Variants in GPR158 observed in about 807,000 individuals in gnomAD.
GPR158 encodes the protein G protein-coupled receptor 158, also known as metabotropic glycine receptor.
GPR158 carries 30 observed loss-of-function variants against 78.2 expected under a neutral mutation model. That is an observed-to-expected ratio of 0.38 (90% confidence interval 0.29 to 0.52). GPR158 has a LOEUF of 0.52. Ranked by LOEUF, GPR158 falls within the 20% of genes least tolerant of loss-of-function variation. The pLI, the probability that GPR158 is intolerant of heterozygous loss-of-function variation, is 0.83. For synonymous variants in GPR158, 581 were observed against 591.1 expected (o/e 0.98, Z 0.25); for missense variants, 1,463 against 1,523.5 (o/e 0.96, Z 0.66).
rs1435545710 is a variant in GPR158, at chr10:25,599,050, A to T, written c.3424A>T (p.Lys1142Ter). The T allele has an allele frequency of 5.0e-6, 8 of 1,613,956 alleles. No homozygotes were observed. The highest frequency in any genetic ancestry group is 2.7e-5 in the African/African-American group (2 of 74,920). Reference protein sequence around the residue: ...ENLNQIGHQEKKTSSSEENVR... With the variant: ...ENLNQIGHQE ...TCTCAACCAAATAGGACACCAGGAAAAAAAGACATCTTCTTCTGAGGAGAA... is the reference window on the plus strand; with the variant it reads ...TCTCAACCAAATAGGACACCAGGAATAAAAGACATCTTCTTCTGAGGAGAA... The change falls in exon 11 of 11, where the codon AAA becomes TAA. Residue 1142 changes from lysine (K) to a stop codon, truncating the protein, a stop_gained. Coordinates refer to ENST00000376351, the MANE Select transcript of GPR158 (RefSeq NM_020752.3). LOFTEE classifies it low-confidence loss of function (END_TRUNC).
At chr10:25,443,789 G>A (rs775352049) in intron 4 of GPR158, among the ~76,000 whole-genome samples, 7 of 151,740 alleles carry the variant, frequency 4.6e-5, no homozygotes, top group Non-Finnish European at 8.8e-5. Flanking sequence ...ACCTGCTGGT[G>A]TACTTTTCTC....
At chr10:25,289,004 T>C (rs555189289) in intron 2 of GPR158, among the ~76,000 whole-genome samples, 1 of 152,204 alleles carries the variant, frequency 6.6e-6, no homozygotes, top group African/African-American at 2.4e-5. Flanking sequence ...CATAGTAGCA[T>C]GTAGAGGGAC....
At chr10:25,235,943 G>A (rs990510311) in intron 2 of GPR158, among the ~76,000 whole-genome samples, 5 of 151,870 alleles carry the variant, frequency 3.3e-5, no homozygotes, top group Admixed American at 6.6e-5. Context: ...TGATCTGCCC[G>A]CCTCAGCCCC....
chr10:25,356,388 C>A (rs976866379), intron 2 of GPR158, among the ~76,000 whole-genome samples: 4 of 151,628 alleles, frequency 2.6e-5, no homozygotes, highest in African/African-American at 9.7e-5. Context: ...GAAGTCCTCC[C>A]TTTGCGACTT....
intron 3 of GPR158, among the ~76,000 whole-genome samples, chr10:25,404,233 T>A (rs1365893045): frequency 6.6e-6 from 1 of 152,108 alleles, no homozygotes; most frequent in Non-Finnish European, 1.5e-5. Flanking sequence ...GTCTCTTGAC[T>A]TTTGGTTTTG....
Position 25,589,002 on chromosome 10 carries a change from C to A in GPR158, c.1754-5C>A. The A allele has an allele frequency of 6.5e-7, 1 of 1,538,834 alleles. No individual in the cohort carries two copies. On this transcript the variant is annotated splice_polypyrimidine_tract_variant and splice_region_variant and intron_variant, in intron 7 of 10. Transcript: ENST00000376351. The stretch of plus-strand genomic sequence containing the variant: ...ACTCATGAAAATGGTTTGTTATTTT[C>A]ACAGCTGAATTTTTATTCCTCTTGT...
rs184505817 is a variant in GPR158 at position 25,531,504 on chromosome 10, A to G, written c.1405-19472A>G. Among the ~76,000 whole-genome samples, 298 of 152,308 alleles carry G rather than the reference A, an allele frequency of 2.0e-3. 1 individual carries two copies. The highest frequency in any genetic ancestry group is 6.9e-3 in the African/African-American group (286 of 41,554). The stretch of plus-strand genomic sequence containing the variant: ...TATGGCAACCTATAGTTACACCTAG[A>G]TATTTATTTTCAGCCCTTTTTATTT... On this transcript the variant is annotated intron_variant, in intron 5 of 10. Coordinates refer to ENST00000376351, the MANE Select transcript of GPR158 (RefSeq NM_020752.3).
At chr10:25,482,168 C>A (rs1472196608) in intron 5 of GPR158, among the ~76,000 whole-genome samples, 2 of 151,984 alleles carry the variant, frequency 1.3e-5, no homozygotes, top group African/African-American at 4.8e-5. Context: ...CTGCTTTGGC[C>A]TTCCATGCCC....
chr10:25,243,971 A>G (rs1159534221), intron 2 of GPR158: 1 of 152,162 alleles, frequency 6.6e-6, no homozygotes, highest in Admixed American at 6.5e-5. Flanking sequence ...GTGACAGGAA[A>G]TGCTATATAA....
intron 5 of GPR158, among the ~76,000 whole-genome samples, chr10:25,546,517 T>C (rs1337445830): frequency 6.6e-6 from 1 of 152,198 alleles, no homozygotes; most frequent in Admixed American, 6.5e-5. Flanking sequence ...GTTTTCTTCA[T>C]TTGGCATCTT....
At chr10:25,362,714 A>T (rs933426835) in intron 2 of GPR158, among the ~76,000 whole-genome samples, 1 of 151,858 alleles carries the variant, frequency 6.6e-6, no homozygotes, top group Non-Finnish European at 1.5e-5. Flanking sequence ...ATGCTAGTAT[A>T]TAGAATTTTC....
chr10:25,218,515 C>CT (rs1306012336), intron 1 of GPR158, among the ~76,000 whole-genome samples: 1 of 152,190 alleles, frequency 6.6e-6, no homozygotes, highest in Non-Finnish European at 1.5e-5. Flanking sequence ...GGGAACTGGA[C>CT]TGCTATGGTA....
In GPR158 at chr10:25,221,160, A is replaced by C. The variant is rs760082288; in HGVS notation, c.1008+3A>C. ...AATGCCACCTCAACAATTCAGAGGT[A>C]AGAAGATGAAAATAAAATCCTCTTT... On this transcript the variant is annotated splice_donor_region_variant and intron_variant, in intron 2 of 10. Coordinates refer to ENST00000376351, the MANE Select transcript of GPR158 (RefSeq NM_020752.3). 7.1e-7 allele frequency: 1 copy of C among 1,406,066 alleles called. No individual in the cohort carries two copies. The highest frequency in any genetic ancestry group is 1.0e-6 in the Non-Finnish European group (1 of 995,302). 87.1% of individuals were successfully genotyped at this position (1,406,066 alleles called of 1,614,324 possible).
chr10:25,472,633 T>G (rs1835523833), intron 5 of GPR158, among the ~76,000 whole-genome samples: 1 of 152,234 alleles, frequency 6.6e-6, no homozygotes, highest in Non-Finnish European at 1.5e-5. Flanking sequence ...TCCTCTTTTA[T>G]TTCCTTGAGC....
intron 2 of GPR158, among the ~76,000 whole-genome samples, chr10:25,346,834 T>C (rs989705920): frequency 6.6e-6 from 1 of 151,948 alleles, no homozygotes; most frequent in African/African-American, 2.4e-5. Flanking sequence ...TCCTCCAGTA[T>C]ACCTGACACA....
chr10:25,252,805 A>T (rs944947831), intron 2 of GPR158, among the ~76,000 whole-genome samples: 170 of 152,224 alleles, frequency 1.1e-3, no homozygotes, highest in Middle Eastern at 3.4e-3. Flanking sequence ...GAGGCTACAG[A>T]GGCAGGCAGG....
intron 1 of GPR158, among the ~76,000 whole-genome samples, chr10:25,206,073 C>A (rs550723883): frequency 7.7e-4 from 116 of 151,534 alleles, no homozygotes; most frequent in African/African-American, 2.6e-3. Flanking sequence ...GCAAACTCTG[C>A]CTCCCAGGTT....
intron 5 of GPR158, among the ~76,000 whole-genome samples, chr10:25,507,800 A>T (rs1836032648): frequency 6.6e-6 from 1 of 152,226 alleles, no homozygotes; most frequent in Non-Finnish European, 1.5e-5. Context: ...CACACAAAAG[A>T]AGTCAAAGAT....
chr10:25,238,797 A>G (rs1306338373), intron 2 of GPR158, among the ~76,000 whole-genome samples: 3 of 152,244 alleles, frequency 2.0e-5, no homozygotes, highest in Non-Finnish European at 4.4e-5. Flanking sequence ...CCTGCAGAAC[A>G]TGATCACATT....
Sources: allele counts gnomAD v4.1 joint callset (sites outside exome capture counted in the v4.1 genomes callset), GRCh38; gene constraint gnomAD v4.1.1; transcripts MANE v1.5; gene names NCBI Gene and HGNC (gene_info 2026-07-23, HGNC 2026-07-21).